The following FAM13A variants were observed in gnomAD, a reference collection of about 807,000 sequenced individuals.
FAM13A encodes the protein protein FAM13A.
In FAM13A, 76 loss-of-function variants were observed where a neutral mutation model predicts 129.6. The ratio of observed to expected loss-of-function variants is 0.59; its 90% CI spans 0.49 to 0.71. The LOEUF (loss-of-function observed/expected upper bound fraction) is 0.71, where lower values mean the gene tolerates loss of function less well. Ranked by LOEUF, FAM13A falls within the 30% of genes least tolerant of loss-of-function variation. FAM13A has a pLI of 0.00. For missense variants in FAM13A, 1,108 were observed against 1,249.3 expected (o/e 0.89, Z 1.70); for synonymous variants, 443 against 449.9 (o/e 0.98, Z 0.20).
At chr4:88,766,173 C>T (rs1363487291) in intron 13 of FAM13A, among the ~76,000 whole-genome samples, 3 of 152,162 alleles carry the variant, frequency 2.0e-5, no homozygotes, top group South Asian at 2.1e-4. Flanking sequence ...ACTGGCAAAG[C>T]GATTTTCTTT....
chr4:88,847,954 A>G (rs1277054411), intron 7 of FAM13A, among the ~76,000 whole-genome samples: 1 of 148,304 alleles, frequency 6.7e-6, no homozygotes, highest in Non-Finnish European at 1.5e-5. Context: ...CTCTGTCCCA[A>G]AAAAAAAAAA....
intron 7 of FAM13A, among the ~76,000 whole-genome samples, chr4:88,848,417 C>A (rs1349048027): frequency 6.6e-6 from 1 of 152,174 alleles, no homozygotes; most frequent in African/African-American, 2.4e-5. Flanking sequence ...TCTAAACGTG[C>A]CTACATTTGA....
intron 5 of FAM13A, among the ~76,000 whole-genome samples, chr4:88,931,003 C>T (rs1230386474): frequency 6.6e-6 from 1 of 152,170 alleles, no homozygotes; most frequent in African/African-American, 2.4e-5. Flanking sequence ...TAGTGTTAAA[C>T]TCTCAAAATG....
Position 88,726,299 on chromosome 4 carries a change from T to TAAC in FAM13A, c.*2233_*2234insGTT, listed in dbSNP as rs1553949978. Reference sequence around the variant, plus strand: ...TCTGGGCTCCATTCCATGAAGAATATAAGTTAGTTAGTTAGTTAGTGGAAA... The same window carrying TAAC: ...TCTGGGCTCCATTCCATGAAGAATATAACAAGTTAGTTAGTTAGTTAGTGGAAA... On this transcript the variant is annotated 3_prime_UTR_variant, in exon 24 of 24. Transcript: ENST00000264344. The TAAC allele has an allele frequency of 6.6e-6, 1 of 150,934 alleles. No homozygotes were observed. Among genetic ancestry groups the TAAC allele is most frequent in the African/African-American group, 2.4e-5 (1 of 41,118 alleles). 9.3% of individuals were successfully genotyped at this position (150,934 alleles called of 1,614,324 possible).
At chr4:88,913,152 AGG>A (rs1305803697) in intron 5 of FAM13A, among the ~76,000 whole-genome samples, 184 of 144,972 alleles carry the variant, frequency 1.3e-3, no homozygotes, top group African/African-American at 4.6e-3. Flanking sequence ...GAGGAAGAAG[AGG>A]AGGAGGAGGA....
At chr4:88,758,922 C>T in intron 13 of FAM13A, 21 bp from the exon 14 acceptor site, 4 of 1,608,874 alleles carry the variant, frequency 2.5e-6, no homozygotes, top group African/African-American at 2.7e-5. Flanking sequence ...AGCACAATGT[C>T]CCCAAATATC....
intron 2 of FAM13A, among the ~76,000 whole-genome samples, chr4:89,028,049 A>C (rs1579839169): frequency 1.1e-5 from 1 of 94,066 alleles, no homozygotes; most frequent in Non-Finnish European, 2.5e-5. Context: ...TACTAATAAT[A>C]CAAAAAAAAA....
At chr4:88,916,908 G>A (rs1359647233) in intron 5 of FAM13A, among the ~76,000 whole-genome samples, 1 of 151,968 alleles carries the variant, frequency 6.6e-6, no homozygotes, top group Non-Finnish European at 1.5e-5. Context: ...CCCACTAAAA[G>A]GTAAAGATGA....
intron 7 of FAM13A, among the ~76,000 whole-genome samples, chr4:88,844,315 C>T (rs780434504): frequency 2.0e-5 from 3 of 152,180 alleles, no homozygotes; most frequent in Non-Finnish European, 2.9e-5. Context: ...CAGCCTGAAA[C>T]TGTATTTAAT....
chr4:88,808,768 A>C (rs1578758404), intron 7 of FAM13A, among the ~76,000 whole-genome samples: 1 of 152,080 alleles, frequency 6.6e-6, no homozygotes. Flanking sequence ...AGCCAATTAT[A>C]AGTAGTTTAC....
At chr4:88,932,727 G>A (rs985519837) in intron 5 of FAM13A, among the ~76,000 whole-genome samples, 12 of 151,886 alleles carry the variant, frequency 7.9e-5, no homozygotes, top group South Asian at 2.1e-4. Context: ...TTTTTTGACC[G>A]GAAAGTCAAA....
intron 4 of FAM13A, among the ~76,000 whole-genome samples, chr4:88,953,286 C>T (rs1309326395): frequency 1.3e-5 from 2 of 151,962 alleles, no homozygotes; most frequent in Admixed American, 1.3e-4. Context: ...GAAACCCCGT[C>T]TCTACTAAAA....
At chr4:88,990,220 T>A (rs1210672424) in intron 4 of FAM13A, 1 of 152,130 alleles carries the variant, frequency 6.6e-6, no homozygotes, top group Non-Finnish European at 1.5e-5. Context: ...GTAATATTAC[T>A]AGTTCTGGGC....
intron 1 of FAM13A, among the ~76,000 whole-genome samples, chr4:89,041,107 TAA>T (rs906459461): frequency 2.0e-5 from 3 of 152,112 alleles, no homozygotes; most frequent in African/African-American, 7.2e-5. Context: ...ATAAGGGAGA[TAA>T]AGAGAGGTGT....
rs370134694 is a variant in FAM13A at position 88,921,316 on chromosome 4, C to T, written c.760-14854G>A. ...CAGCCAGAGAGAAAGGTCGGGTTAC[C>T]CACAAAGGGAAGCCTATCAGACTAA... On this transcript the variant is annotated intron_variant, in intron 5 of 23. Coordinates refer to ENST00000264344, the MANE Select transcript of FAM13A (RefSeq NM_014883.4). Among the ~76,000 whole-genome samples, 204 of 152,242 alleles carry T rather than the reference C, an allele frequency of 1.3e-3. 8 individuals are homozygous for T. In the East Asian group the frequency reaches 0.019, roughly 14 times the overall value.
intron 1 of FAM13A, among the ~76,000 whole-genome samples, chr4:89,049,384 G>A (rs1771263053): frequency 6.6e-6 from 1 of 152,060 alleles, no homozygotes; most frequent in South Asian, 2.1e-4. Context: ...AAAGTCAAAT[G>A]TGCTGAAAAC....
intron 6 of FAM13A, among the ~76,000 whole-genome samples, chr4:88,869,564 A>T (rs917118687): frequency 2.0e-5 from 3 of 152,222 alleles, no homozygotes; most frequent in Non-Finnish European, 4.4e-5. Flanking sequence ...TCCCTGATGT[A>T]TCAGCTTAAA....
At position 89,057,125 on chromosome 4, in the gene FAM13A, G is replaced by GCTGTT; in HGVS notation, c.-162_-161insAACAG. ...CGAAGAGCAGCTTCTAACATTTTAG[G>GCTGTT]AAGAGTGGTTTTGCTTCTCTTTCCG... On this transcript the variant is annotated 5_prime_UTR_variant, in exon 1 of 24. An upstream open reading frame in the 5' UTR gains an earlier in-frame stop. Coordinates refer to ENST00000264344, the MANE Select transcript of FAM13A (RefSeq NM_014883.4). The GCTGTT allele has an allele frequency of 6.9e-7, 1 of 1,446,562 alleles. No homozygotes were observed. The allele number at this position is 1,446,562 out of a possible 1,614,324, so 89.6% of individuals were successfully genotyped here.
intron 6 of FAM13A, among the ~76,000 whole-genome samples, chr4:88,856,446 T>C (rs1738520238): frequency 6.6e-6 from 1 of 152,110 alleles, no homozygotes; most frequent in Non-Finnish European, 1.5e-5. Context: ...ACCATGCCAC[T>C]GCACTCTCAT....
Sources: allele counts gnomAD v4.1 joint callset (sites outside exome capture counted in the v4.1 genomes callset), GRCh38; gene constraint gnomAD v4.1.1; transcripts MANE v1.5; gene names NCBI Gene and HGNC (gene_info 2026-07-23, HGNC 2026-07-21).